Variants in PDE3B observed in about 807,000 individuals in gnomAD.
PDE3B encodes phosphodiesterase 3B.
PDE3B carries 66 observed loss-of-function variants against 116.8 expected under a neutral mutation model. The observed-to-expected ratio is 0.56, with a 90% CI of 0.46 to 0.69. The LOEUF is 0.69. Ranked by LOEUF, PDE3B falls within the 30% of genes least tolerant of loss-of-function variation. PDE3B has a pLI of 0.00. For synonymous variants in PDE3B, 595 were observed against 533.6 expected, an observed-to-expected ratio of 1.12 and a Z score of -1.59; for missense variants, 1,384 against 1,368.1, an observed-to-expected ratio of 1.01 and a Z score of -0.18.
At chr11:14,804,572 T>A (rs942991007) in intron 5 of PDE3B, among the ~76,000 whole-genome samples, 1 of 152,092 alleles carries the variant, frequency 6.6e-6, no homozygotes, top group African/African-American at 2.4e-5. Flanking sequence ...TTAAAGTACA[T>A]TATGGCTGAT....
At chr11:14,841,893 G>A (rs1253093253) in intron 11 of PDE3B, among the ~76,000 whole-genome samples, 1 of 150,980 alleles carries the variant, frequency 6.6e-6, no homozygotes, top group African/African-American at 2.4e-5. Context: ...GATGCCTCCA[G>A]CTTTGTTCTT....
chr11:14,666,386 G>A (rs1854151778), intron 1 of PDE3B, among the ~76,000 whole-genome samples: 4 of 151,738 alleles, frequency 2.6e-5, no homozygotes, highest in Admixed American at 2.0e-4. Context: ...AGGACTTCAT[G>A]TCTAAAACAC....
At position 14,871,054 on chromosome 11, in the gene PDE3B, T is replaced by G. The variant is rs2133999891; in HGVS notation, c.*1394T>G. On this transcript the variant is annotated 3_prime_UTR_variant, in exon 16 of 16. Transcript: ENST00000282096. The stretch of plus-strand genomic sequence containing the variant: ...TTATTATTGGAGAACATATCATATT[T>G]TGGAATCATGCAATTTTGCACACAG... 1 of 152,312 alleles carries G rather than the reference T, an allele frequency of 6.6e-6. No individual in the cohort carries two copies. The highest frequency in any genetic ancestry group is 2.1e-4 in the South Asian group (1 of 4,830). 9.4% of individuals were successfully genotyped at this position (152,312 alleles called of 1,614,324 possible). A position where few individuals can be genotyped will look rare whatever the true frequency, so the allele number is the denominator to read the frequency against.
chr11:14,779,270 C>T (rs1173752222), intron 2 of PDE3B, among the ~76,000 whole-genome samples: 1 of 152,120 alleles, frequency 6.6e-6, no homozygotes, highest in Non-Finnish European at 1.5e-5. Flanking sequence ...GAGAACTTCC[C>T]CAACCTAGCA....
chr11:14,873,556 G>A (rs1848164431), downstream of PDE3B, among the ~76,000 whole-genome samples: 1 of 152,090 alleles, frequency 6.6e-6, no homozygotes, highest in South Asian at 2.1e-4. Context: ...ACTGAGATAG[G>A]GTATATCAGA....
At chr11:14,701,166 G>C (rs1037767607) in intron 1 of PDE3B, among the ~76,000 whole-genome samples, 1 of 151,592 alleles carries the variant, frequency 6.6e-6, no homozygotes, top group Non-Finnish European at 1.5e-5. Context: ...TATTTTAATT[G>C]CAAAAATAAA....
chr11:14,815,160 T>C (rs1285638868), intron 5 of PDE3B, among the ~76,000 whole-genome samples: 1 of 152,000 alleles, frequency 6.6e-6, no homozygotes, highest in South Asian at 2.1e-4. Context: ...ATAAAAAGAA[T>C]TGAAAATAGT....
chr11:14,650,941 C>T (rs1325415974), intron 1 of PDE3B, among the ~76,000 whole-genome samples: 2 of 151,786 alleles, frequency 1.3e-5, no homozygotes, highest in African/African-American at 4.8e-5. Flanking sequence ...TGCAGACCTA[C>T]GAGATACATT....
chr11:14,768,730 G>T (rs1348297384), intron 1 of PDE3B, among the ~76,000 whole-genome samples: 2 of 151,382 alleles, frequency 1.3e-5, no homozygotes, highest in Non-Finnish European at 3.0e-5. Flanking sequence ...GTTTTTCCCT[G>T]ATCTGTTGTG....
rs1208924560 is a variant in PDE3B, at chr11:14,782,916, A to T, written c.1030-3521A>T. ...CAAGGAACTTAAACAAATTTACAAG[A>T]AAAAAATCAAACAACCCCATCAAAA... On this transcript the variant is annotated intron_variant, in intron 2 of 15. Transcript: ENST00000282096. Among the ~76,000 whole-genome samples the T allele has an allele frequency of 2.6e-5, 4 of 151,948 alleles. No homozygotes were observed. In the East Asian group the frequency reaches 7.7e-4, roughly 29 times the overall value.
the PDE3B span, chr11:14,891,152 C>T: frequency 7.1e-6 from 7 of 985,388 alleles, no homozygotes; most frequent in African/African-American, 1.0e-4. Context: ...GGGACACCCA[C>T]ACACAAGCGG....
At chr11:14,687,965 TAGG>T (rs991316929) in intron 1 of PDE3B, among the ~76,000 whole-genome samples, 42 of 152,290 alleles carry the variant, frequency 2.8e-4, no homozygotes, top group Admixed American at 2.7e-3. Flanking sequence ...TCTGAAAACA[TAGG>T]AGATATTTTC....
intron 1 of PDE3B, among the ~76,000 whole-genome samples, chr11:14,704,254 G>A (rs1212907428): frequency 1.3e-5 from 2 of 151,582 alleles, no homozygotes; most frequent in African/African-American, 4.8e-5. Flanking sequence ...ACATAATAAA[G>A]CCTATTGATT....
chr11:14,671,060 A>G (rs557620273), intron 1 of PDE3B, among the ~76,000 whole-genome samples: 5 of 152,236 alleles, frequency 3.3e-5, no homozygotes, highest in South Asian at 4.1e-4. Flanking sequence ...TGCGCTGGAT[A>G]CTGTGATTAG....
chr11:14,801,632 T>C (rs780817301), intron 4 of PDE3B, among the ~76,000 whole-genome samples: 13 of 152,142 alleles, frequency 8.5e-5, no homozygotes, highest in Non-Finnish European at 1.8e-4. Context: ...CTTGAGGAGG[T>C]AGTCTGACCC....
At chr11:14,692,643 C>A (rs1403127303) in intron 1 of PDE3B, among the ~76,000 whole-genome samples, 1 of 152,000 alleles carries the variant, frequency 6.6e-6, no homozygotes, top group Non-Finnish European at 1.5e-5. Flanking sequence ...TTTGGGGCAA[C>A]ACGAATCACT....
intron 1 of PDE3B, among the ~76,000 whole-genome samples, chr11:14,703,698 A>T (rs1343958607): frequency 2.6e-5 from 4 of 151,754 alleles, no homozygotes; most frequent in African/African-American, 4.8e-5. Context: ...GTTATGTGGA[A>T]CAGTTTGTAC....
chr11:14,671,897 G>A (rs1854377972), intron 1 of PDE3B, among the ~76,000 whole-genome samples: 1 of 151,596 alleles, frequency 6.6e-6, no homozygotes, highest in Non-Finnish European at 1.5e-5. Flanking sequence ...GCATGGTAGT[G>A]TGTGCCTGTG....
At chr11:14,803,735 G>A (rs1377289985) in intron 4 of PDE3B, among the ~76,000 whole-genome samples, 3 of 152,172 alleles carry the variant, frequency 2.0e-5, no homozygotes, top group East Asian at 1.9e-4. Flanking sequence ...GAGTTGAGTA[G>A]CTGCAATAGA....
Sources: allele counts gnomAD v4.1 joint callset (sites outside exome capture counted in the v4.1 genomes callset), GRCh38; gene constraint gnomAD v4.1.1; transcripts MANE v1.5; gene names NCBI Gene and HGNC (gene_info 2026-07-23, HGNC 2026-07-21).